CNTNAP5: variants seen among roughly 807,000 people sequenced by gnomAD.
CNTNAP5 encodes the protein contactin associated protein family member 5.
CNTNAP5 carries 72 observed loss-of-function variants against 150.2 expected under a neutral mutation model. The observed-to-expected ratio is 0.48, with a 90% CI of 0.40 to 0.58. The LOEUF (loss-of-function observed/expected upper bound fraction) is 0.58, where lower values mean the gene tolerates loss of function less well. CNTNAP5 is among the 20% of genes least tolerant of loss of function. The pLI is 0.00. For missense variants in CNTNAP5, 1,636 were observed against 1,626.2 expected, an observed-to-expected ratio of 1.01 and a Z score of -0.10; for synonymous variants, 672 against 619.8, an observed-to-expected ratio of 1.08 and a Z score of -1.25.
rs73954555 is a variant in CNTNAP5, at chr2:124,102,438, C to T, written c.82+76706C>T. Among the ~76,000 whole-genome samples, 804 of 152,314 alleles carry T rather than the reference C, an allele frequency of 5.3e-3. 10 individuals carry two copies. The highest frequency in any genetic ancestry group is 0.018 in the African/African-American group (759 of 41,580). ...CAGCGCCAGAAGTTCAGCGACCAGG[C>T]TCTTCATCCCACTCTGCCCATTCAT... On this transcript the variant is annotated intron_variant, in intron 1 of 23. Transcript: ENST00000682447.
intron 13 of CNTNAP5, among the ~76,000 whole-genome samples, chr2:124,651,313 T>C (rs978691907): frequency 2.6e-5 from 4 of 152,320 alleles, no homozygotes; most frequent in African/African-American, 9.6e-5. Flanking sequence ...CTTGTGGGCA[T>C]AGATTCTCCT....
intron 13 of CNTNAP5, among the ~76,000 whole-genome samples, chr2:124,696,076 A>G (rs1046125771): frequency 6.6e-6 from 1 of 152,140 alleles, no homozygotes; most frequent in Non-Finnish European, 1.5e-5. Context: ...TCAAATAAAT[A>G]AAAAATACTT....
intron 1 of CNTNAP5, among the ~76,000 whole-genome samples, chr2:124,052,819 C>G (rs1681735142): frequency 6.6e-6 from 1 of 152,174 alleles, no homozygotes; most frequent in South Asian, 2.1e-4. Context: ...ATTTTGTATT[C>G]CAATTATTCT....
intron 1 of CNTNAP5, among the ~76,000 whole-genome samples, chr2:124,161,731 A>T (rs1684684457): frequency 6.6e-6 from 1 of 152,210 alleles, no homozygotes; most frequent in Admixed American, 6.5e-5. Context: ...GGACAAAAAC[A>T]AATGATCTCT....
At chr2:124,658,473 G>A (rs1315421822) in intron 13 of CNTNAP5, among the ~76,000 whole-genome samples, 2 of 151,330 alleles carry the variant, frequency 1.3e-5, no homozygotes, top group Non-Finnish European at 2.9e-5. Context: ...GGAACTTGTC[G>A]GGGTTAGTAA....
chr2:124,037,921 C>A (rs1468639042), intron 1 of CNTNAP5, among the ~76,000 whole-genome samples: 1 of 152,120 alleles, frequency 6.6e-6, no homozygotes, highest in Non-Finnish European at 1.5e-5. Context: ...ATTAAATAAA[C>A]AATAAAATTT....
intron 1 of CNTNAP5, among the ~76,000 whole-genome samples, chr2:124,047,147 A>C (rs1681560216): frequency 2.0e-5 from 3 of 152,204 alleles, no homozygotes; most frequent in African/African-American, 7.2e-5. Flanking sequence ...GACTAGAAAC[A>C]ATACCGAGCT....
intron 1 of CNTNAP5, among the ~76,000 whole-genome samples, chr2:124,110,920 G>A (rs1046546870): frequency 6.6e-6 from 1 of 152,196 alleles, no homozygotes; most frequent in African/African-American, 2.4e-5. Flanking sequence ...GAGGCACAGA[G>A]CAGGTGAAGA....
intron 10 of CNTNAP5, among the ~76,000 whole-genome samples, chr2:124,528,875 G>A (rs1191180355): frequency 6.6e-6 from 1 of 152,152 alleles, no homozygotes; most frequent in Non-Finnish European, 1.5e-5. Flanking sequence ...TTCAGGAGAG[G>A]AATAATGAGT....
chr2:124,290,748 A>G (rs2104633385), intron 3 of CNTNAP5, among the ~76,000 whole-genome samples: 1 of 152,116 alleles, frequency 6.6e-6, no homozygotes, highest in African/African-American at 2.4e-5. Flanking sequence ...CCTATGAGGA[A>G]CCCATGAGTG....
chr2:124,198,444 G>A (rs566394351), intron 1 of CNTNAP5, among the ~76,000 whole-genome samples: 3 of 151,756 alleles, frequency 2.0e-5, no homozygotes, highest in Middle Eastern at 3.4e-3. Context: ...AGAATCAAGC[G>A]GTACATGTGC....
intron 1 of CNTNAP5, among the ~76,000 whole-genome samples, chr2:124,038,145 T>C (rs1437524708): frequency 6.6e-6 from 1 of 152,234 alleles, no homozygotes; most frequent in Admixed American, 6.5e-5. Context: ...TGATTATCAC[T>C]GACTAGTGCT....
At chr2:124,470,903 C>T (rs1214513654) in intron 6 of CNTNAP5, among the ~76,000 whole-genome samples, 3 of 152,056 alleles carry the variant, frequency 2.0e-5, no homozygotes, top group Non-Finnish European at 2.9e-5. Context: ...CTTCTGGACT[C>T]TCTATTCTAT....
intron 12 of CNTNAP5, among the ~76,000 whole-genome samples, chr2:124,610,762 C>A (rs1677361820): frequency 6.6e-6 from 1 of 152,044 alleles, no homozygotes; most frequent in Admixed American, 6.5e-5. Context: ...AGATCCAGAC[C>A]ATCCTGGCCA....
chr2:124,238,914 C>T (rs781748200), intron 2 of CNTNAP5, among the ~76,000 whole-genome samples: 17 of 152,126 alleles, frequency 1.1e-4, no homozygotes, highest in Admixed American at 7.2e-4. Flanking sequence ...GGGTGTCTTC[C>T]CTATTAGCTG....
intron 19 of CNTNAP5, among the ~76,000 whole-genome samples, chr2:124,861,898 C>T (rs1677532536): frequency 6.6e-6 from 1 of 152,214 alleles, no homozygotes; most frequent in Admixed American, 6.5e-5. Context: ...ACTGCAACCT[C>T]TACCTCCCAG....
intron 19 of CNTNAP5, among the ~76,000 whole-genome samples, chr2:124,856,510 G>T (rs865909124): frequency 6.7e-6 from 1 of 148,862 alleles, no homozygotes; most frequent in African/African-American, 2.6e-5. Context: ...ATTATTTTTT[G>T]ATTTTTTGAT....
chr2:124,695,956 T>C (rs1375391061), intron 13 of CNTNAP5, among the ~76,000 whole-genome samples: 1 of 152,176 alleles, frequency 6.6e-6, no homozygotes, highest in Non-Finnish European at 1.5e-5. Flanking sequence ...GAAACTGAGG[T>C]TGAAGACTTG....
intron 10 of CNTNAP5, among the ~76,000 whole-genome samples, chr2:124,559,184 G>A (rs1695829322): frequency 6.6e-6 from 1 of 152,064 alleles, no homozygotes; most frequent in Non-Finnish European, 1.5e-5. Context: ...ATTGTCAATA[G>A]CCCCACCTAG....
Sources: allele counts gnomAD v4.1 joint callset (sites outside exome capture counted in the v4.1 genomes callset), GRCh38; gene constraint gnomAD v4.1.1; transcripts MANE v1.5; gene names NCBI Gene and HGNC (gene_info 2026-07-23, HGNC 2026-07-21).